Variants in TXNDC5 observed in about 807,000 individuals in gnomAD.
TXNDC5 encodes thioredoxin domain containing 5, also known as thioredoxin domain-containing protein 5.
A neutral mutation model predicts 52.6 loss-of-function variants in TXNDC5; 44 were observed. The observed-to-expected ratio is 0.84, with a 90% confidence interval of 0.66 to 1.08. The LOEUF (loss-of-function observed/expected upper bound fraction) is 1.08, where lower values mean the gene tolerates loss of function less well. TXNDC5 is among the 50% of genes least tolerant of loss of function. The probability of loss-of-function intolerance (pLI) is 0.00; values close to 1 mark genes in which losing one functional copy is unlikely to be tolerated. For missense variants in TXNDC5, 600 were observed against 565.5 expected, an observed-to-expected ratio of 1.06 and a Z score of -0.62; for synonymous variants, 241 against 234.4, an observed-to-expected ratio of 1.03 and a Z score of -0.26.
Position 7,884,424 on chromosome 6 carries a change from G to T in TXNDC5, c.1111C>A (p.Leu371Met). The change falls in exon 9 of 10, where the codon CTG (leucine) becomes ATG (methionine). Residue 371 changes from leucine (L) to methionine (M), a missense_variant. Physicochemically the swap from Leu to Met is conservative, Grantham distance 15. Transcript: ENST00000379757. Reference sequence around the variant, plus strand: ...ACTTCGGCGATCTTGACCCCCGCCAGACCAGGGAATTCCTTTTTAGAGAGT... The same window carrying T: ...ACTTCGGCGATCTTGACCCCCGCCATACCAGGGAATTCCTTTTTAGAGAGT... ...EELSKKEFPG[L>M]AGVKIAEVDC... 1 of 1,614,146 alleles carries T rather than the reference G, an allele frequency of 6.2e-7. No homozygotes were observed.
At chr6:7,904,483 T>C in intron 2 of TXNDC5, 91 bp downstream of exon 2, 1 of 1,507,452 alleles carries the variant, frequency 6.6e-7, no homozygotes, top group African/African-American at 1.4e-5. Flanking sequence ...TTAAATTTAG[T>C]ATCTCTTCAC....
At chr6:7,910,433 C>T in intron 1 of TXNDC5, 81 bp downstream of exon 1, 2 of 1,247,532 alleles carry the variant, frequency 1.6e-6, no homozygotes, top group South Asian at 4.8e-5. Flanking sequence ...GGCCCCGGGA[C>T]CCCCCGCCCG....
chr6:7,891,813 G>T, intron 4 of TXNDC5, 77 bp from the exon 5 acceptor site: 1 of 1,027,358 alleles, frequency 9.7e-7, no homozygotes. Context: ...AGAGTTAATT[G>T]AAGAATCAGA....
At chr6:7,889,206 T>G in intron 6 of TXNDC5, 1 of 462,250 alleles carries the variant, frequency 2.2e-6, no homozygotes. Flanking sequence ...TTAGCTCTGT[T>G]CAAAGGCCTG....
chr6:7,892,941 C>T (rs1438232154), intron 4 of TXNDC5, among the ~76,000 whole-genome samples: 11 of 152,200 alleles, frequency 7.2e-5, no homozygotes, highest in African/African-American at 9.6e-5. Flanking sequence ...GCATGGGACA[C>T]GGGAAGCTGG....
At chr6:7,896,830 T>C (rs406730) in intron 3 of TXNDC5, among the ~76,000 whole-genome samples, 120,904 of 152,216 alleles carry the variant, frequency 0.79, 48,818 homozygotes, top group East Asian at 0.98. Flanking sequence ...TCCCCCGGCA[T>C]GGGAACACCA....
chr6:7,910,685 C>T lies in TXNDC5; in HGVS notation c.92G>A (p.Gly31Asp). 1.8e-6 allele frequency: 2 copies of T among 1,117,106 alleles called. No homozygotes were observed. Among genetic ancestry groups the T allele is most frequent in the Non-Finnish European group, 2.2e-6 (2 of 915,644 alleles). The allele number at this position is 1,117,106 out of a possible 1,614,324, so 69.2% of individuals were successfully genotyped here. The change falls in exon 1 of 10, where the codon GGC becomes GAC. Residue 31 changes from glycine to aspartate, a missense_variant. By Grantham distance (94) the Gly-to-Asp change is moderately conservative. Coordinates refer to ENST00000379757, the MANE Select transcript of TXNDC5 (RefSeq NM_030810.5). ...LLLLLLGHGG[G>D]GRWGARAQEA... ...CTGGGCCCGGGCGCCCCAGCGCCCG[C>T]CGCCGCCATGGCCCAGCAGCAGCAG...
In TXNDC5 at chr6:7,909,889, C is replaced by T. The variant is rs148870137; in HGVS notation, c.263+625G>A. On this transcript the variant is annotated intron_variant, in intron 1 of 9. Coordinates refer to ENST00000379757, the MANE Select transcript of TXNDC5 (RefSeq NM_030810.5). ...AGTCTGTCCCAGCCGACCCCGGTGG[C>T]CGCGGCAGCAGCAAGGCCGCTCTGG... is the stretch of plus-strand genomic sequence containing the variant. The T allele has an allele frequency of 6.4e-5, 63 of 986,050 alleles. No individual in the cohort carries two copies. The African/African-American group carries it at 6.6e-4, about 10-fold the overall frequency. 61.1% of individuals were successfully genotyped at this position (986,050 alleles called of 1,614,324 possible). A position where few individuals can be genotyped will look rare whatever the true frequency, so the allele number is the denominator to read the frequency against.
chr6:7,891,734 C>T lies in TXNDC5; in HGVS notation c.619G>A (p.Asp207Asn), dbSNP rs768829283. 1.1e-5 allele frequency: 18 copies of T among 1,612,552 alleles called. No individual in the cohort carries two copies. Among genetic ancestry groups the T allele is most frequent in the African/African-American group, 1.1e-4 (8 of 74,862 alleles). ...GGAGCGAAGAACTTGATAAAGTGGT[C>T]GCCTGGAGTGGAGAGCCAAGGCAGA... ...SNFELHVAQG[D>N]HFIKFFAPWC... The change falls in exon 5 of 10, where the codon GAC becomes AAC. Residue 207 changes from aspartate to asparagine, a missense_variant and splice_region_variant. Physicochemically the swap from Asp to Asn is conservative, Grantham distance 23. Coordinates refer to ENST00000379757, the MANE Select transcript of TXNDC5 (RefSeq NM_030810.5).
At position 7,906,555 on chromosome 6, in the gene TXNDC5, AAAG is replaced by A. The variant is rs1353903427; in HGVS notation, c.264-1835_264-1833del. Among the ~76,000 whole-genome samples the A allele has an allele frequency of 6.0e-4, 88 of 146,062 alleles. 9 individuals carry two copies. Among genetic ancestry groups the A allele is most frequent in the African/African-American group, 2.1e-3 (77 of 36,622 alleles). Reference sequence around the variant, plus strand: ...CATCTCAAAAAAAAAAAAAAAAAAAAAAGAAAAACAGACTTAAAGGTAGCACTG... The same window carrying A: ...CATCTCAAAAAAAAAAAAAAAAAAAAAAAAACAGACTTAAAGGTAGCACTG... On this transcript the variant is annotated intron_variant, in intron 1 of 9. Transcript: ENST00000379757.
chr6:7,897,686 GGCC>G (rs1760419708), intron 3 of TXNDC5, among the ~76,000 whole-genome samples: 1 of 152,148 alleles, frequency 6.6e-6, no homozygotes, highest in African/African-American at 2.4e-5. Context: ...CTGCAGGTGA[GGCC>G]GCCACCTCCA....
chr6:7,909,990 G>A, intron 1 of TXNDC5: 2 of 986,170 alleles, frequency 2.0e-6, no homozygotes, highest in Non-Finnish European at 1.2e-6. Flanking sequence ...AGGGACCGCG[G>A]GGTGACATTT....
intron 2 of TXNDC5, among the ~76,000 whole-genome samples, chr6:7,903,493 G>A (rs756485191): frequency 3.3e-4 from 50 of 152,196 alleles, no homozygotes; most frequent in Non-Finnish European, 3.7e-4. Context: ...AACAATGTTT[G>A]GGGGATCACC....
At position 7,910,626 on chromosome 6, in the gene TXNDC5, C is replaced by T. The variant is rs776714742; in HGVS notation, c.151G>A (p.Ala51Thr). The change falls in exon 1 of 10, where the codon GCG (alanine) becomes ACG (threonine). Residue 51 changes from alanine to threonine, a missense_variant. Ala to Thr is a moderately conservative substitution (Grantham distance 58). Coordinates refer to ENST00000379757, the MANE Select transcript of TXNDC5 (RefSeq NM_030810.5). ...TCCTGTCCGTCCTCGCCGTCTGCCG[C>T]GGGGGGCCCGTCCGCCGCCGCCGCC... is the stretch of plus-strand genomic sequence containing the variant. The part of the protein sequence containing the change: ...AAAAAADGPP[A>T]ADGEDGQDPH... 18 of 1,245,532 alleles carry T rather than the reference C, an allele frequency of 1.4e-5. No individual in the cohort carries two copies. In the South Asian group the frequency reaches 3.0e-4, roughly 21 times the overall value. 77.2% of individuals were successfully genotyped at this position (1,245,532 alleles called of 1,614,324 possible). A position where few individuals can be genotyped will look rare whatever the true frequency, so the allele number is the denominator to read the frequency against.
chr6:7,909,266 G>A (rs939460834), intron 1 of TXNDC5, among the ~76,000 whole-genome samples: 1 of 152,178 alleles, frequency 6.6e-6, no homozygotes. Flanking sequence ...CCTTTCCCAA[G>A]TGAGCCTCTA....
chr6:7,910,228 G>A (rs1760871741), intron 1 of TXNDC5, among the ~76,000 whole-genome samples: 1 of 151,308 alleles, frequency 6.6e-6, no homozygotes, highest in East Asian at 1.9e-4. Flanking sequence ...CAAGCCCTCG[G>A]TCCCCTGCAG....
chr6:7,889,068 T>A, intron 6 of TXNDC5: 1 of 560,794 alleles, frequency 1.8e-6, no homozygotes, highest in Non-Finnish European at 3.0e-6. Flanking sequence ...TCCACGGGGT[T>A]ACACATCACA....
At chr6:7,884,557 A>T in intron 8 of TXNDC5, 69 bp from the exon 9 acceptor site, 2 of 1,604,538 alleles carry the variant, frequency 1.2e-6, no homozygotes, top group Non-Finnish European at 1.7e-6. Context: ...CTCTGCTGCC[A>T]AGACAAGCTC....
chr6:7,883,346 A>G, intron 9 of TXNDC5, 80 bp from the exon 10 acceptor site: 1 of 1,590,684 alleles, frequency 6.3e-7, no homozygotes, highest in Non-Finnish European at 8.6e-7. Context: ...AACCAGATAC[A>G]CTCCTACCGT....
Sources: allele counts gnomAD v4.1 joint callset (sites outside exome capture counted in the v4.1 genomes callset), GRCh38; gene constraint gnomAD v4.1.1; transcripts MANE v1.5; gene names NCBI Gene and HGNC (gene_info 2026-07-23, HGNC 2026-07-21).